Variants in HTT observed in about 807,000 individuals in gnomAD.
HTT encodes huntingtin, also known as huntington disease protein.
A neutral mutation model predicts 362.3 loss-of-function variants in HTT; 104 were observed. The observed-to-expected ratio is 0.29, with a 90% CI of 0.24 to 0.34. The LOEUF (loss-of-function observed/expected upper bound fraction) is 0.34. Among genes scored for constraint, HTT ranks in the 10% least tolerant of loss-of-function variants. The pLI is 1.00. For synonymous variants in HTT, 1,577 were observed against 1,548.7 expected, an observed-to-expected ratio of 1.02 and a Z score of -0.43; for missense variants, 3,301 against 3,928.6, an observed-to-expected ratio of 0.84 and a Z score of 4.27.
intron 3 of HTT, among the ~76,000 whole-genome samples, chr4:3,100,732 G>A (rs760739711): frequency 2.0e-5 from 3 of 152,084 alleles, no homozygotes; most frequent in Non-Finnish European, 4.4e-5. Flanking sequence ...GGACCAGGGC[G>A]GTCTGTCTTT....
chr4:3,173,224 C>G, intron 31 of HTT, 93 bp downstream of exon 31: 1 of 938,866 alleles, frequency 1.1e-6, no homozygotes, highest in Non-Finnish European at 1.7e-6. Flanking sequence ...AAAATGTTAG[C>G]GAACATCTTC....
At chr4:3,095,092 A>G (rs1310340320) in intron 2 of HTT, among the ~76,000 whole-genome samples, 2 of 149,918 alleles carry the variant, frequency 1.3e-5, no homozygotes, top group Non-Finnish European at 3.0e-5. Flanking sequence ...ATGGGCGGCC[A>G]GGCAGAAACG....
chr4:3,209,800 TC>T, intron 46 of HTT, 26 bp from the exon 47 acceptor site: 1 of 1,612,210 alleles, frequency 6.2e-7, no homozygotes, highest in Non-Finnish European at 8.5e-7. Flanking sequence ...CCCATCATGT[TC>T]CCCTTATCCA....
intron 29 of HTT, among the ~76,000 whole-genome samples, chr4:3,166,828 T>C (rs1717737524): frequency 6.6e-6 from 1 of 152,220 alleles, no homozygotes; most frequent in Non-Finnish European, 1.5e-5. Context: ...GTACTGCTCC[T>C]TCAGGTACAG....
At chr4:3,236,773 C>T (rs974611606) in intron 64 of HTT, among the ~76,000 whole-genome samples, 2 of 152,174 alleles carry the variant, frequency 1.3e-5, no homozygotes, top group Non-Finnish European at 2.9e-5. Context: ...CACCACCCCC[C>T]ACTGCTGTGC....
chr4:3,221,553 C>A (rs1720673307), intron 53 of HTT, among the ~76,000 whole-genome samples: 1 of 152,198 alleles, frequency 6.6e-6, no homozygotes, highest in African/African-American at 2.4e-5. Context: ...TGCACGCTCT[C>A]CTTCTCTCTG....
chr4:3,207,016 T>C (rs1264771705), intron 44 of HTT, 33 bp downstream of exon 44: 1 of 1,576,216 alleles, frequency 6.3e-7, no homozygotes, highest in Non-Finnish European at 8.6e-7. Context: ...TATTGATTTA[T>C]ATTGAAAATT....
At chr4:3,110,651 G>A (rs1714696653) in intron 6 of HTT, among the ~76,000 whole-genome samples, 1 of 152,166 alleles carries the variant, frequency 6.6e-6, no homozygotes, top group Non-Finnish European at 1.5e-5. Flanking sequence ...GTGTTCTGGG[G>A]TAGAAATCAT....
chr4:3,165,427 C>T (rs1379626794), intron 29 of HTT, among the ~76,000 whole-genome samples: 1 of 151,988 alleles, frequency 6.6e-6, no homozygotes, highest in Non-Finnish European at 1.5e-5. Flanking sequence ...TTGTGGTGTT[C>T]TCTGTATTTC....
At chr4:3,225,631 G>T (rs1720875695) in intron 56 of HTT, 30 bp from the exon 57 acceptor site, 2 of 1,603,432 alleles carry the variant, frequency 1.2e-6, no homozygotes, top group African/African-American at 2.7e-5. Flanking sequence ...CCCCTGTGCA[G>T]ATCAAGACTC....
At chr4:3,095,203 C>T (rs56794194) in intron 2 of HTT, among the ~76,000 whole-genome samples, 13,735 of 152,242 alleles carry the variant, frequency 0.09, 879 homozygotes, top group African/African-American at 0.18. Context: ...TGTAGTGACC[C>T]GAGATCACGC....
rs1399685089 is a variant in HTT, at chr4:3,074,896, AGC to A, written c.72_73del (p.Gln25AlafsTer57). 3.4e-6 allele frequency: 5 copies of A among 1,472,168 alleles called. No individual in the cohort carries two copies. Among genetic ancestry groups the A allele is most frequent in the Admixed American group, 2.1e-5 (1 of 47,930 alleles). The allele number at this position is 1,472,168 out of a possible 1,614,324, so 91.2% of individuals were successfully genotyped here. On this transcript the variant is annotated frameshift_variant, in exon 1 of 67. Coordinates refer to ENST00000355072, the MANE Select transcript of HTT (RefSeq NM_001388492.1). LOFTEE classifies it high-confidence loss of function. Reference sequence around the variant, plus strand: ...TCCTTCCAGCAGCAGCAGCAGCAGCAGCAGCAGCAGCAGCAGCAGCAGCAGCA... The same window carrying A: ...TCCTTCCAGCAGCAGCAGCAGCAGCAAGCAGCAGCAGCAGCAGCAGCAGCA...
chr4:3,097,738 C>T (rs1713927881), intron 2 of HTT, among the ~76,000 whole-genome samples: 1 of 152,168 alleles, frequency 6.6e-6, no homozygotes, highest in South Asian at 2.1e-4. Flanking sequence ...TTGAAAGACA[C>T]AGAAACTATT....
chr4:3,152,740 G>A (rs986089690), intron 26 of HTT, among the ~76,000 whole-genome samples: 1 of 150,886 alleles, frequency 6.6e-6, no homozygotes, highest in African/African-American at 2.4e-5. Flanking sequence ...TCTGCCTCCC[G>A]GGTTCAAGCG....
intron 36 of HTT, among the ~76,000 whole-genome samples, chr4:3,181,387 C>T (rs1401535233): frequency 6.6e-6 from 1 of 152,090 alleles, no homozygotes; most frequent in Non-Finnish European, 1.5e-5. Flanking sequence ...ATTTATTTAC[C>T]ACTATTTTGA....
chr4:3,201,578 C>G lies in HTT; in HGVS notation c.5576+1639C>G, dbSNP rs180874281. ...ATTAATGGATCAATGGATTTTTAAC[C>G]TAATAATTAAATTTCAAAAAATATC... On this transcript the variant is annotated intron_variant, in intron 41 of 66. Transcript: ENST00000355072. Among the ~76,000 whole-genome samples, 5 of 149,470 alleles carry G rather than the reference C, an allele frequency of 3.3e-5. No homozygotes were observed. In the East Asian group the frequency reaches 9.8e-4, roughly 29 times the overall value.
At chr4:3,133,944 T>G (rs1240146923) in intron 18 of HTT, among the ~76,000 whole-genome samples, 1 of 152,134 alleles carries the variant, frequency 6.6e-6, no homozygotes, top group Non-Finnish European at 1.5e-5. Context: ...TGCTTGGGGC[T>G]GCAGGGGAGG....
chr4:3,187,559 A>G lies in HTT; in HGVS notation c.4990-92A>G, dbSNP rs982698356. 4.8e-6 allele frequency: 4 copies of G among 834,448 alleles called. No individual in the cohort carries two copies. In the African/African-American group the frequency reaches 6.8e-5, roughly 14 times the overall value. 51.7% of individuals were successfully genotyped at this position (834,448 alleles called of 1,614,324 possible). Reference sequence around the variant, plus strand: ...AGGTTTATTGGTAGGATAGTAAAATAGGAGTTATTTTCTTTCACAAAATTG... The same window carrying G: ...AGGTTTATTGGTAGGATAGTAAAATGGGAGTTATTTTCTTTCACAAAATTG... On this transcript the variant is annotated intron_variant, in intron 38 of 66. Coordinates refer to ENST00000355072, the MANE Select transcript of HTT (RefSeq NM_001388492.1).
intron 1 of HTT, among the ~76,000 whole-genome samples, chr4:3,079,115 C>T (rs531330783): frequency 4.6e-5 from 7 of 152,138 alleles, no homozygotes; most frequent in South Asian, 2.1e-4. Flanking sequence ...AGGCTGGTCT[C>T]GAACTCCCGG....
Sources: allele counts gnomAD v4.1 joint callset (sites outside exome capture counted in the v4.1 genomes callset), GRCh38; gene constraint gnomAD v4.1.1; transcripts MANE v1.5; gene names NCBI Gene and HGNC (gene_info 2026-07-23, HGNC 2026-07-21).